SEMA3A: variants seen among roughly 807,000 people sequenced by gnomAD.
SEMA3A encodes the protein semaphorin 3A, also known as semaphorin-3A.
SEMA3A carries 29 observed loss-of-function variants against 97.9 expected under a neutral mutation model. The observed-to-expected ratio is 0.30, with a 90% confidence interval of 0.22 to 0.40. The LOEUF (loss-of-function observed/expected upper bound fraction) is 0.40. Among genes scored for constraint, SEMA3A ranks in the 10% least tolerant of loss-of-function variants. The pLI is 1.00. For synonymous variants in SEMA3A, 321 were observed against 323.7 expected, an observed-to-expected ratio of 0.99 and a Z score of 0.09; for missense variants, 763 against 951.3, an observed-to-expected ratio of 0.80 and a Z score of 2.60.
chr7:84,041,996 C>CTGTACAAG (rs1792150853), intron 6 of SEMA3A, among the ~76,000 whole-genome samples: 1 of 152,100 alleles, frequency 6.6e-6, no homozygotes. Context: ...ATTAAAAGAG[C>CTGTACAAG]TGTACAAGTG....
chr7:84,158,679 T>G (rs1049040415), intron 1 of SEMA3A, among the ~76,000 whole-genome samples: 3 of 152,170 alleles, frequency 2.0e-5, no homozygotes, highest in Non-Finnish European at 4.4e-5. Context: ...AGCCTGTACC[T>G]AACACAGTGC....
intron 3 of SEMA3A, among the ~76,000 whole-genome samples, chr7:84,223,689 C>T (rs1798930420): frequency 6.6e-6 from 1 of 151,598 alleles, no homozygotes; most frequent in Admixed American, 6.6e-5. Flanking sequence ...ATTTGAAAAA[C>T]TAAGGCTTTA....
At chr7:84,078,599 T>C (rs980866878) in intron 4 of SEMA3A, among the ~76,000 whole-genome samples, 5 of 152,072 alleles carry the variant, frequency 3.3e-5, no homozygotes, top group Admixed American at 3.3e-4. Flanking sequence ...CTATATAGTT[T>C]AGCAATTAAT....
chr7:84,365,515 A>G (rs1414246881), intron 2 of SEMA3A, among the ~76,000 whole-genome samples: 1 of 151,526 alleles, frequency 6.6e-6, no homozygotes, highest in East Asian at 1.9e-4. Flanking sequence ...AATTCTCTAA[A>G]TGAGTTCTTC....
chr7:84,083,270 T>A (rs527920659), intron 4 of SEMA3A, among the ~76,000 whole-genome samples: 3 of 152,000 alleles, frequency 2.0e-5, no homozygotes, highest in African/African-American at 7.2e-5. Flanking sequence ...TATCAAATAC[T>A]AATTTGAAAC....
chr7:84,060,587 G>C (rs759781555), intron 4 of SEMA3A, 29 bp from the exon 5 acceptor site: 49 of 1,455,388 alleles, frequency 3.4e-5, no homozygotes, highest in Non-Finnish European at 4.4e-5. Context: ...AAGAGAAAAG[G>C]GTTTCCTTTA....
At chr7:84,475,525 A>G (rs1434492573) in intron 1 of SEMA3A, among the ~76,000 whole-genome samples, 1 of 152,260 alleles carries the variant, frequency 6.6e-6, no homozygotes, top group Non-Finnish European at 1.5e-5. Flanking sequence ...ACGCTCACCT[A>G]AATCTATTAT....
chr7:84,458,958 C>T (rs1211472531), intron 1 of SEMA3A, among the ~76,000 whole-genome samples: 3 of 152,026 alleles, frequency 2.0e-5, no homozygotes, highest in Non-Finnish European at 2.9e-5. Context: ...TCATTCTCCT[C>T]TCCTGCTACC....
intron 6 of SEMA3A, among the ~76,000 whole-genome samples, chr7:84,045,510 A>G (rs34450132): frequency 0.67 from 100,889 of 151,034 alleles, 34,334 homozygotes; most frequent in East Asian, 0.82. Context: ...ATGTGTAAAT[A>G]ACTAAAAAAA....
chr7:83,971,440 A>G (rs1788909082), intron 15 of SEMA3A, among the ~76,000 whole-genome samples: 1 of 152,122 alleles, frequency 6.6e-6, no homozygotes, highest in Non-Finnish European at 1.5e-5. Flanking sequence ...CAAAAAAAAA[A>G]AAAAAACCTA....
intron 2 of SEMA3A, among the ~76,000 whole-genome samples, chr7:84,133,886 TAA>T (rs60263065): frequency 0.27 from 21,209 of 78,214 alleles, 1,946 homozygotes; most frequent in South Asian, 0.32. Context: ...TCGTCTCTAC[TAA>T]AAAAAAAAAA....
chr7:84,379,910 T>A lies in SEMA3A; in HGVS notation c.-245-8010A>T, dbSNP rs191511078. ...TCACATACAATGGCTAAAAATATAG[T>A]TAGATTTGTTTGGCATCTAATTTGG... On this transcript the variant is annotated intron_variant, in intron 1 of 3. Coordinates refer to the SEMA3A transcript ENST00000424555. Among the ~76,000 whole-genome samples, 34 of 152,290 alleles carry A rather than the reference T, an allele frequency of 2.2e-4. No individual in the cohort carries two copies. In the East Asian group the frequency reaches 5.6e-3, roughly 25 times the overall value.
chr7:84,171,502 T>A (rs773186733), intron 1 of SEMA3A, among the ~76,000 whole-genome samples: 3 of 152,024 alleles, frequency 2.0e-5, no homozygotes, highest in Non-Finnish European at 4.4e-5. Context: ...TGTTCTACCT[T>A]CAAATAAACA....
chr7:84,044,808 G>A (rs1370767190), intron 6 of SEMA3A, among the ~76,000 whole-genome samples: 1 of 151,908 alleles, frequency 6.6e-6, no homozygotes, highest in African/African-American at 2.4e-5. Flanking sequence ...TTTCAGCTTG[G>A]GGGAAGAAAT....
At chr7:84,321,612 C>T (rs1400383952) in intron 2 of SEMA3A, among the ~76,000 whole-genome samples, 1 of 152,000 alleles carries the variant, frequency 6.6e-6, no homozygotes, top group Non-Finnish European at 1.5e-5. Context: ...ACCAGTGGCT[C>T]ACGCCTGTCA....
chr7:83,995,579 T>C (rs1390871879), intron 12 of SEMA3A, among the ~76,000 whole-genome samples: 1 of 152,202 alleles, frequency 6.6e-6, no homozygotes, highest in Non-Finnish European at 1.5e-5. Flanking sequence ...TTCATTTAAA[T>C]AAGCTACGGG....
chr7:83,970,056 A>G (rs1159624535), intron 15 of SEMA3A, among the ~76,000 whole-genome samples: 1 of 152,220 alleles, frequency 6.6e-6, no homozygotes, highest in Non-Finnish European at 1.5e-5. Context: ...AATTGGCATA[A>G]TGATTCCCCA....
intron 1 of SEMA3A, among the ~76,000 whole-genome samples, chr7:84,411,581 A>ATG (rs1223268937): frequency 7.3e-5 from 11 of 150,958 alleles, no homozygotes; most frequent in African/African-American, 2.7e-4. Flanking sequence ...ATATATATAT[A>ATG]TTCATATTCT....
In SEMA3A at chr7:84,311,067, C is replaced by T. The variant is rs111858028; in HGVS notation, c.-168-3775G>A. On this transcript the variant is annotated intron_variant, in intron 2 of 3. Transcript: ENST00000424555. Reference sequence around the variant, plus strand: ...CTGAATATTGAATGTACACTAAAATCATGCAAATTTAAGTAATTTCAAACA... The same window carrying T: ...CTGAATATTGAATGTACACTAAAATTATGCAAATTTAAGTAATTTCAAACA... Among the ~76,000 whole-genome samples the T allele has an allele frequency of 3.3e-5, 5 of 151,446 alleles. 1 individual carries two copies. Among genetic ancestry groups the T allele is most frequent in the African/African-American group, 1.2e-4 (5 of 41,406 alleles).
Sources: gnomAD v4.1 joint callset for allele counts (sites outside exome capture counted in the v4.1 genomes callset) on GRCh38, gnomAD v4.1.1 for gene constraint, MANE v1.5 for transcripts, NCBI Gene and HGNC (gene_info 2026-07-23, HGNC 2026-07-21) for gene names.